ERBB4: variants seen among roughly 807,000 people sequenced by gnomAD.
The protein encoded by ERBB4 is erb-b2 receptor tyrosine kinase 4, also known as receptor tyrosine-protein kinase erbB-4.
Under a neutral mutation model 158.0 loss-of-function variants are expected in ERBB4, and 42 were observed. That is an observed-to-expected ratio of 0.27 (90% CI 0.21 to 0.34). The LOEUF is 0.34. ERBB4 is among the 10% of genes least tolerant of loss of function. The pLI, the probability that ERBB4 is intolerant of heterozygous loss-of-function variation, is 1.00. For synonymous variants in ERBB4, 583 were observed against 558.7 expected (o/e 1.04, Z -0.61); for missense variants, 1,333 against 1,624.1 (o/e 0.82, Z 3.08).
At chr2:212,188,030 C>G (rs1263067641) in intron 1 of ERBB4, among the ~76,000 whole-genome samples, 1 of 152,030 alleles carries the variant, frequency 6.6e-6, no homozygotes, top group Non-Finnish European at 1.5e-5. Context: ...ATAAAACGTT[C>G]AAATTTGAAT....
intron 2 of ERBB4, among the ~76,000 whole-genome samples, chr2:212,101,516 C>T (rs754462596): frequency 7.3e-5 from 11 of 151,342 alleles, no homozygotes; most frequent in Non-Finnish European, 1.0e-4. Flanking sequence ...TGAGGAAACA[C>T]GCATACCACA....
At chr2:211,575,569 T>C (rs2067865059) in intron 19 of ERBB4, among the ~76,000 whole-genome samples, 1 of 152,224 alleles carries the variant, frequency 6.6e-6, no homozygotes, top group Non-Finnish European at 1.5e-5. Context: ...CTTGGGAAAG[T>C]AGTATGCATT....
intron 3 of ERBB4, among the ~76,000 whole-genome samples, chr2:211,826,449 T>C (rs1431317841): frequency 1.3e-5 from 2 of 151,888 alleles, no homozygotes; most frequent in Non-Finnish European, 2.9e-5. Flanking sequence ...CCCTATTGTG[T>C]TTCCATCCAT....
chr2:211,815,467 T>C (rs1179099854), intron 3 of ERBB4, among the ~76,000 whole-genome samples: 1 of 152,208 alleles, frequency 6.6e-6, no homozygotes, highest in Non-Finnish European at 1.5e-5. Context: ...ATCAAATTTT[T>C]AGAGATTGTC....
intron 1 of ERBB4, among the ~76,000 whole-genome samples, chr2:212,371,084 GC>G (rs1486218016): frequency 1.3e-5 from 2 of 152,124 alleles, no homozygotes; most frequent in African/African-American, 4.8e-5. Flanking sequence ...CTCAGTGAAA[GC>G]CTGTTTCTTG....
intron 2 of ERBB4, among the ~76,000 whole-genome samples, chr2:212,072,163 G>C (rs1021058615): frequency 2.0e-5 from 3 of 151,962 alleles, no homozygotes; most frequent in African/African-American, 4.8e-5. Context: ...GTGAATGGTT[G>C]AGTACAGAAG....
At chr2:212,454,941 GA>G (rs1467924951) in intron 1 of ERBB4, among the ~76,000 whole-genome samples, 1 of 151,922 alleles carries the variant, frequency 6.6e-6, no homozygotes, top group Non-Finnish European at 1.5e-5. Context: ...TCATTTTAGG[GA>G]AAACAATGTG....
intron 16 of ERBB4, among the ~76,000 whole-genome samples, chr2:211,656,741 T>C (rs954691862): frequency 5.3e-5 from 8 of 152,200 alleles, no homozygotes; most frequent in Non-Finnish European, 8.8e-5. Flanking sequence ...TTTTTTTAAG[T>C]CTGGTTTCTT....
At chr2:212,043,523 T>C (rs1483041570) in intron 2 of ERBB4, among the ~76,000 whole-genome samples, 1 of 152,150 alleles carries the variant, frequency 6.6e-6, no homozygotes, top group African/African-American at 2.4e-5. Flanking sequence ...TTAACAGGGA[T>C]TTCAGATAAA....
At chr2:212,366,823 A>T (rs2089906886) in intron 1 of ERBB4, among the ~76,000 whole-genome samples, 1 of 152,190 alleles carries the variant, frequency 6.6e-6, no homozygotes, top group Admixed American at 6.6e-5. Flanking sequence ...ACGTTATCAA[A>T]ATTATAAAAA....
intron 9 of ERBB4, 38 bp downstream of exon 9, chr2:211,712,012 A>C (rs748722740): frequency 5.7e-6 from 9 of 1,575,206 alleles, no homozygotes; most frequent in Non-Finnish European, 7.9e-6. Flanking sequence ...TTTTGTCTAC[A>C]CTTTGTAAAA....
intron 3 of ERBB4, among the ~76,000 whole-genome samples, chr2:211,870,791 A>G (rs1244420626): frequency 7.9e-5 from 12 of 152,162 alleles, no homozygotes; most frequent in Non-Finnish European, 5.9e-5. Flanking sequence ...TGAATTTCAG[A>G]GACATCAGTG....
At chr2:211,652,511 G>A (rs764565417) in intron 16 of ERBB4, among the ~76,000 whole-genome samples, 4 of 152,074 alleles carry the variant, frequency 2.6e-5, no homozygotes, top group Non-Finnish European at 1.5e-5. Flanking sequence ...AAAAAAAAAT[G>A]TGCCAATTGT....
chr2:211,978,392 G>GTCTTTCTATCTATCTATCTA (rs1165469722), intron 2 of ERBB4, among the ~76,000 whole-genome samples: 435 of 102,308 alleles, frequency 4.3e-3, no homozygotes, highest in East Asian at 6.4e-3. Flanking sequence ...CTGTCTGTCT[G>GTCTTTCTATCTATCTATCTA]TCTGTCTATC....
intron 1 of ERBB4, among the ~76,000 whole-genome samples, chr2:212,292,484 T>A (rs2086243362): frequency 6.6e-6 from 1 of 152,016 alleles, no homozygotes. Flanking sequence ...TTTAGTGATA[T>A]AATTATAGAT....
intron 9 of ERBB4, 33 bp downstream of exon 9, chr2:211,712,017 G>A: frequency 6.3e-7 from 1 of 1,586,216 alleles, no homozygotes; most frequent in Non-Finnish European, 8.7e-7. Context: ...TCTACACTTT[G>A]TAAAATAACT....
At chr2:212,392,355 T>C (rs1574836160) in intron 1 of ERBB4, among the ~76,000 whole-genome samples, 1 of 151,872 alleles carries the variant, frequency 6.6e-6, no homozygotes, top group East Asian at 1.9e-4. Context: ...GAGGGAAATG[T>C]AACATGGAAA....
chr2:212,061,453 CAAAAAAAAAAAA>C (rs754237880), intron 2 of ERBB4, among the ~76,000 whole-genome samples: 6 of 22,808 alleles, frequency 2.6e-4, no homozygotes, highest in Admixed American at 1.7e-3. Context: ...ACTCTGTCTC[CAAAAAAAAAAAA>C]AAAAAAAAAA....
chr2:211,526,184 C>A (rs912992070), intron 20 of ERBB4, among the ~76,000 whole-genome samples: 1 of 152,038 alleles, frequency 6.6e-6, no homozygotes, highest in Admixed American at 6.5e-5. Flanking sequence ...TGAGCAGAGT[C>A]CCAGTGATGG....
Sources: allele counts gnomAD v4.1 joint callset (sites outside exome capture counted in the v4.1 genomes callset), GRCh38; gene constraint gnomAD v4.1.1; transcripts MANE v1.5; gene names NCBI Gene and HGNC (gene_info 2026-07-23, HGNC 2026-07-21).